Variants in ZNF503 observed in about 807,000 individuals in gnomAD.
The protein encoded by ZNF503 is zinc finger protein 503, also known as NocA-like zinc finger 2.
In ZNF503, 15 loss-of-function variants were observed where a neutral mutation model predicts 34.4. The observed-to-expected ratio is 0.44, with a 90% CI of 0.29 to 0.67. The LOEUF is 0.67. Among genes scored for constraint, ZNF503 ranks in the 30% least tolerant of loss-of-function variants. The probability of loss-of-function intolerance (pLI) is 0.13; values close to 1 mark genes in which losing one functional copy is unlikely to be tolerated. For synonymous variants in ZNF503, 580 were observed against 456.8 expected, an observed-to-expected ratio of 1.27 and a Z score of -3.44; for missense variants, 1,007 against 926.8, an observed-to-expected ratio of 1.09 and a Z score of -1.12.
the ZNF503 span, among the ~76,000 whole-genome samples, chr10:75,346,690 C>T: frequency 6.6e-6 from 1 of 152,190 alleles, no homozygotes; most frequent in African/African-American, 2.4e-5. Context: ...GATCTGCCCG[C>T]CTCGGCCTCC....
At chr10:75,378,337 C>T in the ZNF503 span, among the ~76,000 whole-genome samples, 1 of 152,180 alleles carries the variant, frequency 6.6e-6, no homozygotes, top group South Asian at 2.1e-4. Context: ...ATGTGCCCAT[C>T]AGAAGGATGG....
At chr10:75,383,529 G>A in the ZNF503 span, among the ~76,000 whole-genome samples, 1 of 152,140 alleles carries the variant, frequency 6.6e-6, no homozygotes, top group East Asian at 1.9e-4. Flanking sequence ...CATTTCCTGA[G>A]CTCTGTGGGC....
chr10:75,394,418 G>A (rs559455030), downstream of ZNF503, among the ~76,000 whole-genome samples: 6 of 152,336 alleles, frequency 3.9e-5, no homozygotes, highest in East Asian at 7.7e-4. Flanking sequence ...AGCCACATTC[G>A]GTGAGGAACC....
the ZNF503 span, among the ~76,000 whole-genome samples, chr10:75,379,905 T>G: frequency 2.6e-5 from 4 of 151,990 alleles, no homozygotes; most frequent in Non-Finnish European, 5.9e-5. Flanking sequence ...GGGCAGGGGG[T>G]CCTCATCACG....
At chr10:75,297,833 C>A in the ZNF503 span, among the ~76,000 whole-genome samples, 1 of 152,114 alleles carries the variant, frequency 6.6e-6, no homozygotes, top group Non-Finnish European at 1.5e-5. Flanking sequence ...CATTCATTAC[C>A]CCAGTACCTC....
At chr10:75,341,521 G>T in the ZNF503 span, among the ~76,000 whole-genome samples, 1 of 152,266 alleles carries the variant, frequency 6.6e-6, no homozygotes, top group African/African-American at 2.4e-5. Context: ...TTTTAAAAGA[G>T]ACTTTAATTA....
chr10:75,333,391 C>G, the ZNF503 span, among the ~76,000 whole-genome samples: 1 of 48,040 alleles, frequency 2.1e-5, no homozygotes, highest in Non-Finnish European at 4.0e-5. Context: ...CCGGACGGGG[C>G]GGCTGGCCGG....
At chr10:75,330,014 T>C in the ZNF503 span, among the ~76,000 whole-genome samples, 3 of 152,338 alleles carry the variant, frequency 2.0e-5, no homozygotes, top group Non-Finnish European at 2.9e-5. Context: ...TCTTTATTGG[T>C]TAAGGTATGT....
chr10:75,312,999 T>C, the ZNF503 span, among the ~76,000 whole-genome samples: 2,973 of 152,332 alleles, frequency 0.02, 111 homozygotes, highest in African/African-American at 0.068. Context: ...TGACACCATG[T>C]AAGATGTGAC....
At chr10:75,309,619 C>G in the ZNF503 span, among the ~76,000 whole-genome samples, 1,047 of 152,282 alleles carry the variant, frequency 6.9e-3, 10 homozygotes, top group Non-Finnish European at 9.3e-3. Context: ...AATGCTATTG[C>G]ACACTTAATA....
chr10:75,294,849 A>G, the ZNF503 span, among the ~76,000 whole-genome samples: 8 of 151,744 alleles, frequency 5.3e-5, no homozygotes, highest in African/African-American at 1.9e-4. Flanking sequence ...TCAGGGTTCT[A>G]TCTGCGCGAT....
At chr10:75,325,349 A>AGG in the ZNF503 span, among the ~76,000 whole-genome samples, 1 of 148,082 alleles carries the variant, frequency 6.8e-6, no homozygotes, top group Non-Finnish European at 1.5e-5. Flanking sequence ...TTTTTGAGAC[A>AGG]GGGTCTTGCT....
At chr10:75,377,463 C>A in the ZNF503 span, among the ~76,000 whole-genome samples, 2 of 152,160 alleles carry the variant, frequency 1.3e-5, no homozygotes, top group Non-Finnish European at 2.9e-5. Flanking sequence ...GGGAGTTTTT[C>A]AGGGTCCCAT....
chr10:75,321,335 T>C, the ZNF503 span, among the ~76,000 whole-genome samples: 1 of 152,158 alleles, frequency 6.6e-6, no homozygotes, highest in Non-Finnish European at 1.5e-5. Context: ...AATGTGAGAA[T>C]GGACTAATAC....
the ZNF503 span, among the ~76,000 whole-genome samples, chr10:75,379,546 C>T: frequency 2.0e-5 from 3 of 152,228 alleles, no homozygotes; most frequent in Admixed American, 6.5e-5. Context: ...CACTGCTTCA[C>T]GTTGCTGGGA....
chr10:75,309,818 A>T, the ZNF503 span, among the ~76,000 whole-genome samples: 10 of 152,204 alleles, frequency 6.6e-5, no homozygotes, highest in African/African-American at 9.6e-5. Flanking sequence ...ATTGCCAAAT[A>T]TAATGTCATG....
the ZNF503 span, among the ~76,000 whole-genome samples, chr10:75,298,574 A>G: frequency 6.6e-6 from 1 of 152,094 alleles, no homozygotes. Flanking sequence ...ATAGATTCAC[A>G]ATATTTTGTT....
chr10:75,288,128 C>A, the ZNF503 span, among the ~76,000 whole-genome samples: 1 of 152,238 alleles, frequency 6.6e-6, no homozygotes, highest in Non-Finnish European at 1.5e-5. Context: ...CCTGCCCTGT[C>A]GGGATTTGTC....
At chr10:75,289,061 G>A in the ZNF503 span, among the ~76,000 whole-genome samples, 2 of 152,138 alleles carry the variant, frequency 1.3e-5, no homozygotes, top group South Asian at 2.1e-4. Context: ...GAAAGAGGGC[G>A]GCCCTGGAGG....
Sources: gnomAD v4.1 joint callset for allele counts (sites outside exome capture counted in the v4.1 genomes callset) on GRCh38, gnomAD v4.1.1 for gene constraint, MANE v1.5 for transcripts, NCBI Gene and HGNC (gene_info 2026-07-23, HGNC 2026-07-21) for gene names.